Variants in INVS observed in about 807,000 individuals in gnomAD.
INVS encodes the protein inversion of embryo turning homolog.
INVS carries 86 observed loss-of-function variants against 108.8 expected under a neutral mutation model. The ratio of observed to expected loss-of-function variants is 0.79; its 90% CI spans 0.66 to 0.95. The LOEUF is 0.95. Ranked by LOEUF, INVS falls within the 40% of genes least tolerant of loss-of-function variation. The pLI is 0.00. For missense variants in INVS, 1,169 were observed against 1,297.4 expected (o/e 0.90, Z 1.52); for synonymous variants, 455 against 473.5 (o/e 0.96, Z 0.51).
At chr9:100,240,033 C>A in intron 5 of INVS, 27 bp from the exon 6 acceptor site, 14 of 1,592,252 alleles carry the variant, frequency 8.8e-6, no homozygotes, top group Non-Finnish European at 1.2e-5. Context: ...CCATGTATGT[C>A]TGAAGTCTCT....
rs1827105824 is a variant in INVS, at chr9:100,104,456, A to T, written c.-24-42A>T. The stretch of plus-strand genomic sequence containing the variant: ...TGGAACTGATGAGACAGGTTTCAGA[A>T]ATGTTTGCTGCATGCGCTCATTGTC... On this transcript the variant is annotated intron_variant, in intron 1 of 16. Transcript: ENST00000262457. 18 of 1,082,236 alleles carry T rather than the reference A, an allele frequency of 1.7e-5. No homozygotes were observed. In the East Asian group the frequency reaches 2.1e-4, roughly 13 times the overall value. The allele number at this position is 1,082,236 out of a possible 1,614,324, so 67.0% of individuals were successfully genotyped here. A position where few individuals can be genotyped will look rare whatever the true frequency, so the allele number is the denominator to read the frequency against.
intron 7 of INVS, among the ~76,000 whole-genome samples, chr9:100,243,079 T>C (rs1166488998): frequency 1.3e-5 from 2 of 152,226 alleles, no homozygotes; most frequent in Non-Finnish European, 2.9e-5. Context: ...TGAAGTTTTA[T>C]ACAGATTTTA....
Position 100,297,959 on chromosome 9 carries a change from C to G in INVS, c.3040C>G (p.His1014Asp). 3 of 1,614,184 alleles carry G rather than the reference C, an allele frequency of 1.9e-6. No individual in the cohort carries two copies. Among genetic ancestry groups the G allele is most frequent in the Non-Finnish European group, 2.5e-6 (3 of 1,180,000 alleles). The change falls in exon 16 of 17, where the codon CAT (histidine) becomes GAT (aspartate). Residue 1014 changes from histidine (H) to aspartate (D), a missense_variant. Coordinates refer to ENST00000262457, the MANE Select transcript of INVS (RefSeq NM_014425.5). ...IYGCSHEGKI[H>D]HPTRSVKASS... is the part of the protein sequence containing the mutation. ...AGGTTGTTCTCACGAAGGGAAAATACATCATCCTACAAGATCTGTAAAAGC... is the reference window on the plus strand; with the variant it reads ...AGGTTGTTCTCACGAAGGGAAAATAGATCATCCTACAAGATCTGTAAAAGC...
rs72733361 is a variant in INVS at position 100,293,601 on chromosome 9, G to A, written c.2786+558G>A. 1.1e-3 allele frequency among the ~76,000 whole-genome samples: 161 copies of A among 152,304 alleles called. 1 individual carries two copies. The highest frequency in any genetic ancestry group is 2.1e-3 in the Non-Finnish European group (140 of 68,028). ...AGATTGAGTGACTAAACTGTATTAT[G>A]TAAACCTGTCTGAGCATCTACCAAG... On this transcript the variant is annotated intron_variant, in intron 14 of 16. Coordinates refer to ENST00000262457, the MANE Select transcript of INVS (RefSeq NM_014425.5).
At chr9:100,217,367 T>C (rs1225690109) in intron 3 of INVS, among the ~76,000 whole-genome samples, 2 of 152,108 alleles carry the variant, frequency 1.3e-5, no homozygotes, top group African/African-American at 4.8e-5. Context: ...CCTATCATCT[T>C]TTACTGTCTT....
chr9:100,152,676 C>G (rs1416600211), intron 3 of INVS, among the ~76,000 whole-genome samples: 2 of 152,088 alleles, frequency 1.3e-5, no homozygotes, highest in African/African-American at 4.8e-5. Flanking sequence ...CACTATATCT[C>G]AAAGTATTTT....
chr9:100,198,128 A>G (rs1830430418), intron 3 of INVS, among the ~76,000 whole-genome samples: 2 of 152,092 alleles, frequency 1.3e-5, no homozygotes, highest in African/African-American at 4.8e-5. Flanking sequence ...TATTATCCCA[A>G]TAATATCCTT....
At chr9:100,212,346 C>G (rs1263587045) in intron 3 of INVS, among the ~76,000 whole-genome samples, 1 of 152,026 alleles carries the variant, frequency 6.6e-6, no homozygotes. Flanking sequence ...ATTCATATTT[C>G]CAATTTATAT....
At chr9:100,118,814 C>T (rs1827634835) in intron 2 of INVS, among the ~76,000 whole-genome samples, 1 of 152,088 alleles carries the variant, frequency 6.6e-6, no homozygotes, top group Admixed American at 6.6e-5. Context: ...GTGCCCACCA[C>T]CACACCTGGC....
In INVS at chr9:100,264,944, CT is replaced by C. The variant is rs746060368; in HGVS notation, c.1571+32del. 168,462 of 1,156,874 alleles carry C rather than the reference CT, an allele frequency of 0.15. No homozygotes were observed. Among genetic ancestry groups the C allele is most frequent in the Middle Eastern group, 0.16 (686 of 4,196 alleles). 71.7% of individuals were successfully genotyped at this position (1,156,874 alleles called of 1,614,324 possible). A position where few individuals can be genotyped will look rare whatever the true frequency, so the allele number is the denominator to read the frequency against. On this transcript the variant is annotated intron_variant, in intron 11 of 16. Transcript: ENST00000262457. ...ATGAAGAGAGGTAAGTTGTTGTTGA[CT>C]TTTTTTTTTTTTTTTGAGATGGCTT...
intron 2 of INVS, among the ~76,000 whole-genome samples, chr9:100,117,811 G>GA (rs1328447880): frequency 6.6e-6 from 1 of 152,094 alleles, no homozygotes; most frequent in Non-Finnish European, 1.5e-5. Flanking sequence ...ATGATATTAG[G>GA]AGGCGGGGTC....
chr9:100,137,157 T>C (rs186459196), intron 3 of INVS, among the ~76,000 whole-genome samples: 6 of 152,290 alleles, frequency 3.9e-5, no homozygotes, highest in Admixed American at 3.9e-4. Flanking sequence ...AATTATAAAA[T>C]ATGAAAACTG....
At chr9:100,181,719 C>G (rs1031461661) in intron 3 of INVS, among the ~76,000 whole-genome samples, 1 of 152,054 alleles carries the variant, frequency 6.6e-6, no homozygotes, top group African/African-American at 2.4e-5. Context: ...CAGTGCTATC[C>G]CCATCAAGCT....
chr9:100,186,351 C>T (rs1483336360), intron 3 of INVS, among the ~76,000 whole-genome samples: 4 of 152,146 alleles, frequency 2.6e-5, no homozygotes, highest in African/African-American at 9.6e-5. Flanking sequence ...CGGGGTTTCA[C>T]CATCTTGGCC....
chr9:100,234,495 G>A (rs1235356908), intron 5 of INVS, among the ~76,000 whole-genome samples: 1 of 152,056 alleles, frequency 6.6e-6, no homozygotes, highest in African/African-American at 2.4e-5. Flanking sequence ...TTGTCCTGTG[G>A]GCATTTAGTG....
chr9:100,235,372 G>A (rs887257839), intron 5 of INVS, among the ~76,000 whole-genome samples: 2 of 152,068 alleles, frequency 1.3e-5, no homozygotes, highest in Admixed American at 6.6e-5. Flanking sequence ...TTACATTTAT[G>A]GTTAATATTG....
intron 2 of INVS, 106 bp from the exon 3 acceptor site, chr9:100,126,277 A>T (rs1827880583): frequency 6.8e-6 from 6 of 880,076 alleles, no homozygotes; most frequent in Non-Finnish European, 1.1e-5. Flanking sequence ...AAGATGATAT[A>T]CTTAAGCATT....
Position 100,132,964 on chromosome 9 carries a change from G to A in INVS, c.273+6415G>A, listed in dbSNP as rs150456274. 4.7e-3 allele frequency among the ~76,000 whole-genome samples: 712 copies of A among 152,178 alleles called. 7 individuals are homozygous for A. Among genetic ancestry groups the A allele is most frequent in the African/African-American group, 0.016 (674 of 41,510 alleles). On this transcript the variant is annotated intron_variant, in intron 3 of 16. Coordinates refer to ENST00000262457, the MANE Select transcript of INVS (RefSeq NM_014425.5). ...TACTAAAAATACAAAACTTAGCTGGGCGTGATGGTGCGTGCCTATAATCCC... is the reference window on the plus strand; with the variant it reads ...TACTAAAAATACAAAACTTAGCTGGACGTGATGGTGCGTGCCTATAATCCC...
At chr9:100,139,535 A>G (rs528250002) in intron 3 of INVS, among the ~76,000 whole-genome samples, 3 of 152,324 alleles carry the variant, frequency 2.0e-5, no homozygotes, top group Admixed American at 6.5e-5. Context: ...CCAAAATCTC[A>G]ATTTCAGCAT....
Sources: allele counts gnomAD v4.1 joint callset (sites outside exome capture counted in the v4.1 genomes callset), GRCh38; gene constraint gnomAD v4.1.1; transcripts MANE v1.5; gene names NCBI Gene and HGNC (gene_info 2026-07-23, HGNC 2026-07-21).